The following RAB7A variants were observed in gnomAD, a reference collection of about 807,000 sequenced individuals.
RAB7A encodes the protein RAB7A, member RAS oncogene family.
RAB7A carries 2 observed loss-of-function variants against 24.5 expected under a neutral mutation model. That is an observed-to-expected ratio of 0.08 (90% CI 0.03 to 0.26). The LOEUF is 0.26. RAB7A is among the 10% of genes least tolerant of loss of function. The probability of loss-of-function intolerance (pLI) is 1.00; values close to 1 mark genes in which losing one functional copy is unlikely to be tolerated. For missense variants in RAB7A, 118 were observed against 255.7 expected (o/e 0.46, Z 3.67); for synonymous variants, 100 against 95.9 (o/e 1.04, Z -0.25).
At chr3:128,813,184 T>G in intron 5 of RAB7A, 143 bp from the exon 6 acceptor site, 7 of 812,802 alleles carry the variant, frequency 8.6e-6, no homozygotes. Flanking sequence ...CTCCCTTAAC[T>G]GTGTGGGCAG....
rs35360318 is a variant in RAB7A, at chr3:128,758,274, G to GTTT, written c.-9+31929_-9+31931dup. Among the ~76,000 whole-genome samples, 90 of 126,730 alleles carry GTTT rather than the reference G, an allele frequency of 7.1e-4. 1 individual carries two copies. The highest frequency in any genetic ancestry group is 2.3e-3 in the African/African-American group (78 of 33,904). 83.1% of individuals were successfully genotyped at this position (126,730 alleles called of 152,430 possible). Reference sequence around the variant, plus strand: ...CCACCACCCCAGTGTTTGTTTTTTTGTTTTTTTTTTTTTTTTGAGACAGAG... The same window carrying GTTT: ...CCACCACCCCAGTGTTTGTTTTTTTGTTTTTTTTTTTTTTTTTTTGAGACAGAG... On this transcript the variant is annotated intron_variant, in intron 1 of 5. Transcript: ENST00000265062.
At chr3:128,757,621 A>C (rs2070741014) in intron 1 of RAB7A, among the ~76,000 whole-genome samples, 1 of 150,630 alleles carries the variant, frequency 6.6e-6, no homozygotes, top group South Asian at 2.1e-4. Flanking sequence ...CTGGGTTACA[A>C]GTGATTTCTC....
At chr3:128,728,411 G>A (rs1258239789) in intron 1 of RAB7A, among the ~76,000 whole-genome samples, 1 of 152,218 alleles carries the variant, frequency 6.6e-6, no homozygotes, top group African/African-American at 2.4e-5. Context: ...CTTTTAAAGA[G>A]TAACCTTCAA....
intron 1 of RAB7A, among the ~76,000 whole-genome samples, chr3:128,758,049 A>C (rs1385952873): frequency 6.6e-6 from 1 of 151,408 alleles, no homozygotes; most frequent in Non-Finnish European, 1.5e-5. Flanking sequence ...TCTAACTTCA[A>C]AGTTCTGGGC....
chr3:128,795,409 G>T lies in RAB7A; in HGVS notation c.42G>T (p.Leu14=). 2 of 1,612,716 alleles carry T rather than the reference G, an allele frequency of 1.2e-6. No individual in the cohort carries two copies. The highest frequency in any genetic ancestry group is 1.7e-6 in the Non-Finnish European group (2 of 1,178,756). Residue 14 remains leucine (L), a synonymous_variant, in exon 2 of 6, where the codon CTG becomes CTT. Coordinates refer to ENST00000265062, the MANE Select transcript of RAB7A (RefSeq NM_004637.6). ...AAGTGTTGCTGAAGGTTATCATCCTGGGAGATTCTGGGTAAGTTACTCATG... is the reference window on the plus strand; with the variant it reads ...AAGTGTTGCTGAAGGTTATCATCCTTGGAGATTCTGGGTAAGTTACTCATG... ...RKKVLLKVII[L]GDSGVGKTSL...
chr3:128,812,308 TTTCACCATGTTC>T (rs1576306304), intron 5 of RAB7A, among the ~76,000 whole-genome samples: 3 of 152,194 alleles, frequency 2.0e-5, no homozygotes, highest in African/African-American at 7.2e-5. Flanking sequence ...AGAGACGGGG[TTTCACCATGTTC>T]GCCAGGCTGG....
At chr3:128,781,685 C>T (rs1933225430) in intron 1 of RAB7A, among the ~76,000 whole-genome samples, 1 of 151,760 alleles carries the variant, frequency 6.6e-6, no homozygotes, top group African/African-American at 2.4e-5. Context: ...AAACAAAAAA[C>T]AGTTCACACA....
At chr3:128,801,684 TAAGTG>T (rs1933701857) in intron 3 of RAB7A, among the ~76,000 whole-genome samples, 1 of 151,410 alleles carries the variant, frequency 6.6e-6, no homozygotes, top group Non-Finnish European at 1.5e-5. Context: ...ATGAAAGAAA[TAAGTG>T]AAAGTGAGAA....
intron 1 of RAB7A, among the ~76,000 whole-genome samples, chr3:128,755,940 G>A (rs2070725846): frequency 6.6e-6 from 1 of 151,672 alleles, no homozygotes. Context: ...GATTTTATAT[G>A]TAGGGAACTG....
At chr3:128,727,346 A>G (rs891918571) in intron 1 of RAB7A, among the ~76,000 whole-genome samples, 4 of 152,172 alleles carry the variant, frequency 2.6e-5, no homozygotes, top group Admixed American at 6.5e-5. Flanking sequence ...ACTCCAGAGC[A>G]CTGTATTAAA....
chr3:128,813,311 C>A lies in RAB7A; in HGVS notation c.529-16C>A. ...TATTCCCTGAGTAACCAACCTTTCTCTGTTTCCTTGTCCAGGAAACGGAGG... is the reference window on the plus strand; with the variant it reads ...TATTCCCTGAGTAACCAACCTTTCTATGTTTCCTTGTCCAGGAAACGGAGG... On this transcript the variant is annotated splice_polypyrimidine_tract_variant and intron_variant, in intron 5 of 5. Transcript: ENST00000265062. 7 of 1,610,648 alleles carry A rather than the reference C, an allele frequency of 4.3e-6. No individual in the cohort carries two copies. Among genetic ancestry groups the A allele is most frequent in the Non-Finnish European group, 5.9e-6 (7 of 1,176,856 alleles).
At chr3:128,738,376 T>C (rs1274944943) in intron 1 of RAB7A, among the ~76,000 whole-genome samples, 1 of 152,194 alleles carries the variant, frequency 6.6e-6, no homozygotes, top group Non-Finnish European at 1.5e-5. Context: ...TCTCCACAAA[T>C]GGTCTCCAGC....
At chr3:128,807,829 G>A (rs542792096) in intron 5 of RAB7A, among the ~76,000 whole-genome samples, 158 bp downstream of exon 5, 1 of 152,308 alleles carries the variant, frequency 6.6e-6, no homozygotes, top group East Asian at 1.9e-4. Context: ...GACATGTTCT[G>A]CTTAAGCTTC....
At chr3:128,804,701 G>T (rs1933765310) in intron 3 of RAB7A, among the ~76,000 whole-genome samples, 2 of 152,152 alleles carry the variant, frequency 1.3e-5, no homozygotes, top group Non-Finnish European at 2.9e-5. Context: ...TCCAGATGAT[G>T]AATTGGTTCC....
chr3:128,739,281 G>A (rs577776421), intron 1 of RAB7A, among the ~76,000 whole-genome samples: 1 of 152,244 alleles, frequency 6.6e-6, no homozygotes, highest in Admixed American at 6.5e-5. Context: ...AGGCTGAGGT[G>A]GGCGGATCAC....
At position 128,779,233 on chromosome 3, in the gene RAB7A, G is replaced by T. The variant is rs189361567; in HGVS notation, c.-8-16127G>T. ...GTTTGAGACCAGCCTGGCCAACATG[G>T]TGAAACCCCGTCTCTACTAAAAATA... On this transcript the variant is annotated intron_variant, in intron 1 of 5. Transcript: ENST00000265062. Among the ~76,000 whole-genome samples, 139 of 152,216 alleles carry T rather than the reference G, an allele frequency of 9.1e-4. 1 individual carries two copies. Among genetic ancestry groups the T allele is most frequent in the African/African-American group, 3.2e-3 (131 of 41,526 alleles).
intron 5 of RAB7A, among the ~76,000 whole-genome samples, chr3:128,808,254 G>A (rs1363531537): frequency 1.3e-5 from 2 of 152,044 alleles, no homozygotes; most frequent in Non-Finnish European, 2.9e-5. Context: ...CAGCTACTCG[G>A]GAGGCTGAGG....
chr3:128,806,630 C>T, intron 4 of RAB7A, 40 bp downstream of exon 4: 1 of 1,567,796 alleles, frequency 6.4e-7, no homozygotes, highest in Non-Finnish European at 8.8e-7. Flanking sequence ...CAGACACCTG[C>T]TCCCCAGGGG....
intron 1 of RAB7A, among the ~76,000 whole-genome samples, chr3:128,736,134 T>C (rs1321952988): frequency 6.6e-6 from 1 of 152,122 alleles, no homozygotes; most frequent in Non-Finnish European, 1.5e-5. Context: ...AACTTCACAA[T>C]TTAAGCAGCA....
Sources: gnomAD v4.1 joint callset for allele counts (sites outside exome capture counted in the v4.1 genomes callset) on GRCh38, gnomAD v4.1.1 for gene constraint, MANE v1.5 for transcripts, NCBI Gene and HGNC (gene_info 2026-07-23, HGNC 2026-07-21) for gene names.